The following ARHGEF40 variants were observed in gnomAD, a reference collection of about 807,000 sequenced individuals.
ARHGEF40 encodes the protein Rho guanine nucleotide exchange factor 40, also known as Rho guanine nucleotide exchange factor (GEF) 40.
Under a neutral mutation model 165.9 loss-of-function variants are expected in ARHGEF40, and 98 were observed. The observed-to-expected ratio is 0.59, with a 90% CI of 0.50 to 0.70. The LOEUF (loss-of-function observed/expected upper bound fraction) is 0.70. Ranked by LOEUF, ARHGEF40 falls within the 30% of genes least tolerant of loss-of-function variation. ARHGEF40 has a pLI of 0.00. For missense variants in ARHGEF40, 1,815 were observed against 1,968.0 expected, an observed-to-expected ratio of 0.92 and a Z score of 1.47; for synonymous variants, 792 against 814.3, an observed-to-expected ratio of 0.97 and a Z score of 0.47.
In ARHGEF40 at chr14:21,075,207, G is replaced by T; in HGVS notation, c.1450+27G>T. ...TGAGATGACACGGAGTGAGGCTCAT[G>T]GGGCAAGGGCCAAAGCAGGTCGGGC... On this transcript the variant is annotated intron_variant, in intron 3 of 23. Coordinates refer to ENST00000298694, the MANE Select transcript of ARHGEF40 (RefSeq NM_018071.5). This position sits in a 1 kb window ranked among gnomAD's most constrained non-coding sequence, Gnocchi z 4.5. The T allele has an allele frequency of 6.3e-7, 1 of 1,582,870 alleles. No homozygotes were observed. Among genetic ancestry groups the T allele is most frequent in the South Asian group, 1.2e-5 (1 of 85,522 alleles).
At position 21,080,935 on chromosome 14, in the gene ARHGEF40, G is replaced by A. The variant is rs771305553; in HGVS notation, c.2559G>A (p.Val853=). Residue 853 remains valine, a synonymous_variant, in exon 13 of 24, where the codon GTG becomes GTA. Transcript: ENST00000298694. ...AGGAGAATGCCACCTCCCAGAAGGT[G>A]CTGGATATCTTTGAACAGCGGCTGG... ...ALEENATSQK[V]LDIFEQRLEQ... 3.1e-6 allele frequency: 5 copies of A among 1,614,230 alleles called. No homozygotes were observed. The highest frequency in any genetic ancestry group is 1.1e-5 in the South Asian group (1 of 91,086).
Position 21,089,703 on chromosome 14 carries a change from G to C in ARHGEF40, c.*695G>C, listed in dbSNP as rs377107352. On this transcript the variant is annotated 3_prime_UTR_variant, in exon 24 of 24. Transcript: ENST00000298694. ...GGCCCAGAGCTAGCTGACTGTGTAT[G>C]AGCCTGGGAGAATGTGTCTCCTCCA... The C allele has an allele frequency of 1.3e-5, 2 of 152,308 alleles. No individual in the cohort carries two copies. The highest frequency in any genetic ancestry group is 4.1e-4 in the South Asian group (2 of 4,844). The allele number at this position is 152,308 out of a possible 1,614,324, so 9.4% of individuals were successfully genotyped here. A position where few individuals can be genotyped will look rare whatever the true frequency, so the allele number is the denominator to read the frequency against.
chr14:21,082,764 G>T, intron 15 of ARHGEF40, 67 bp from the exon 16 acceptor site: 1 of 1,503,926 alleles, frequency 6.6e-7, no homozygotes. Flanking sequence ...GGATAGAGAG[G>T]GGGAAGAGAG....
At chr14:21,063,117 G>A in the ARHGEF40 span, among the ~76,000 whole-genome samples, 4 of 152,110 alleles carry the variant, frequency 2.6e-5, no homozygotes, top group South Asian at 2.1e-4. Flanking sequence ...GCAACGGAGC[G>A]AGACCCTGTC....
intron 21 of ARHGEF40, 147 bp downstream of exon 21, chr14:21,087,610 T>G (rs1888462474): frequency 8.6e-7 from 1 of 1,160,776 alleles, no homozygotes; most frequent in Admixed American, 2.7e-5. Context: ...TAAAAGAGCC[T>G]TCCATCTGGT....
chr14:21,083,353 A>G (rs1170305571), intron 16 of ARHGEF40, among the ~76,000 whole-genome samples: 5 of 151,746 alleles, frequency 3.3e-5, no homozygotes, highest in African/African-American at 9.7e-5. Flanking sequence ...TATCTGGCCA[A>G]TATAGTGAAA....
intron 21 of ARHGEF40, chr14:21,087,672 CCT>C (rs1413585198): frequency 2.7e-6 from 2 of 732,176 alleles, no homozygotes; most frequent in Non-Finnish European, 2.2e-6. Context: ...TTCCTCTGTA[CCT>C]CTCTCTCTAG....
In ARHGEF40 at chr14:21,081,743, G is replaced by A. The variant is rs1187429783; in HGVS notation, c.2875G>A (p.Glu959Lys). Reference sequence around the variant, plus strand: ...GAGGATCCAGCAACACGTGGGAGAGGAGGCGAGCCCACGGGGCTACCGACG... The same window carrying A: ...GAGGATCCAGCAACACGTGGGAGAGAAGGCGAGCCCACGGGGCTACCGACG... The part of the protein sequence containing the change: ...ERRIQQHVGE[E>K]ASPRGYRRRR... Residue 959 changes from glutamate to lysine, a missense_variant, in exon 14 of 24, where the codon GAG (glutamate) becomes AAG (lysine). Transcript: ENST00000298694. The A allele has an allele frequency of 1.3e-6, 2 of 1,579,148 alleles. No individual in the cohort carries two copies. Among genetic ancestry groups the A allele is most frequent in the Admixed American group, 1.8e-5 (1 of 54,340 alleles).
chr14:21,071,782 C>T (rs1302508041), intron 1 of ARHGEF40, among the ~76,000 whole-genome samples: 7 of 152,202 alleles, frequency 4.6e-5, no homozygotes, highest in African/African-American at 1.4e-4. Context: ...ACCTTCCCCC[C>T]ACCCACGCGC....
At chr14:21,061,685 G>A in the ARHGEF40 span, among the ~76,000 whole-genome samples, 5 of 152,212 alleles carry the variant, frequency 3.3e-5, no homozygotes, top group African/African-American at 1.2e-4. Context: ...CTAACATCCA[G>A]AAAATTTAGA....
chr14:21,068,144 C>T (rs1413628546), upstream of ARHGEF40, among the ~76,000 whole-genome samples: 26 of 49,166 alleles, frequency 5.3e-4, 7 homozygotes, highest in African/African-American at 1.2e-3. Context: ...GGACTACAGG[C>T]GCCCGCTACC....
chr14:21,074,457 G>A lies in ARHGEF40; in HGVS notation c.727G>A (p.Val243Met), dbSNP rs1399228904. 2 of 1,594,302 alleles carry A rather than the reference G, an allele frequency of 1.3e-6. No individual in the cohort carries two copies. Among genetic ancestry groups the A allele is most frequent in the Non-Finnish European group, 8.5e-7 (1 of 1,170,938 alleles). ...APVEGPEGEY[V>M]ELLEVTLPVR... is the part of the protein sequence containing the mutation. ...TGTGGAAGGACCTGAGGGCGAGTAT[G>A]TGGAGCTGTTAGAGGTGACGCTGCC... The change falls in exon 3 of 24, where the codon GTG becomes ATG. Residue 243 changes from valine to methionine, a missense_variant. Physicochemically the swap from Val to Met is conservative, Grantham distance 21. Coordinates refer to ENST00000298694, the MANE Select transcript of ARHGEF40 (RefSeq NM_018071.5). This position sits in a 1 kb window ranked among gnomAD's most constrained non-coding sequence, Gnocchi z 4.8.
intron 13 of ARHGEF40, 63 bp from the exon 14 acceptor site, chr14:21,081,446 C>G (rs1887884169): frequency 1.9e-6 from 3 of 1,572,226 alleles, no homozygotes; most frequent in East Asian, 4.5e-5. Flanking sequence ...CACTGGGCAT[C>G]CTTCGTGAGC....
chr14:21,080,490 A>T (rs1192891229), intron 11 of ARHGEF40, among the ~76,000 whole-genome samples, 170 bp from the exon 12 acceptor site: 2 of 152,070 alleles, frequency 1.3e-5, no homozygotes, highest in Non-Finnish European at 2.9e-5. Flanking sequence ...TTCTCATCTG[A>T]CCCTTGTGGA....
At position 21,081,809 on chromosome 14, in the gene ARHGEF40, G is replaced by A; in HGVS notation, c.2941G>A (p.Gly981Arg). Residue 981 changes from glycine (G) to arginine (R), a missense_variant, in exon 14 of 24, where the codon GGG becomes AGG. Gly to Arg is a moderately radical substitution (Grantham distance 125, BLOSUM62 -2). Transcript: ENST00000298694. ...DGASSGGAQW[G>R]PRSPSPSLSS... ...TGCCAGCAGTGGAGGGGCCCAGTGGGGGCCCCGCAGCCCCTCGCCCAGCCT... is the reference window on the plus strand; with the variant it reads ...TGCCAGCAGTGGAGGGGCCCAGTGGAGGCCCCGCAGCCCCTCGCCCAGCCT... The A allele has an allele frequency of 6.2e-7, 1 of 1,602,880 alleles. No individual in the cohort carries two copies. The highest frequency in any genetic ancestry group is 8.5e-7 in the Non-Finnish European group (1 of 1,175,890).
At position 21,074,400 on chromosome 14, in the gene ARHGEF40, A is replaced by T; in HGVS notation, c.670A>T (p.Thr224Ser). The change falls in exon 3 of 24, where the codon ACC becomes TCC. Residue 224 changes from threonine (T) to serine (S), a missense_variant. By Grantham distance (58) the Thr-to-Ser change is moderately conservative. Transcript: ENST00000298694. This position sits in a 1 kb window ranked among gnomAD's most constrained non-coding sequence, Gnocchi z 4.8. Reference protein sequence around the residue: ...SPPLPEEALGTRSPGDGHNAP... With the variant: ...SPPLPEEALGSRSPGDGHNAP... The stretch of plus-strand genomic sequence containing the variant: ...TCCACTTCCTGAGGAGGCGCTGGGT[A>T]CCCGGAGTCCTGGGGATGGGCACAA... 6.2e-7 allele frequency: 1 copy of T among 1,612,552 alleles called. No homozygotes were observed. Among genetic ancestry groups the T allele is most frequent in the Non-Finnish European group, 8.5e-7 (1 of 1,179,504 alleles).
Position 21,081,381 on chromosome 14 carries a change from GAA to G in ARHGEF40, c.2641-125_2641-124del. ...TTAGGCAGTGATGGTGGAACAGTGA[GAA>G]AACAGGAGAGTGACGGGCATTGGGA... is the stretch of plus-strand genomic sequence containing the variant. On this transcript the variant is annotated intron_variant, in intron 13 of 23. Coordinates refer to ENST00000298694, the MANE Select transcript of ARHGEF40 (RefSeq NM_018071.5). 6.0e-6 allele frequency: 8 copies of G among 1,337,844 alleles called. No individual in the cohort carries two copies. In the South Asian group the frequency reaches 1.1e-4, roughly 19 times the overall value. The allele number at this position is 1,337,844 out of a possible 1,614,324, so 82.9% of individuals were successfully genotyped here.
Position 21,087,410 on chromosome 14 carries a change from C to T in ARHGEF40, c.4334C>T (p.Pro1445Leu). ...CTTTCGCCGGGAGCCTGCTCCCTGCCTGCCCGCGTCGAGGAGGAGGCCTGG... is the reference window on the plus strand; with the variant it reads ...CTTTCGCCGGGAGCCTGCTCCCTGCTTGCCCGCGTCGAGGAGGAGGCCTGG... ...PGLSPGACSL[P>L]ARVEEEAWDL... The change falls in exon 21 of 24, where the codon CCT (proline) becomes CTT (leucine). Residue 1445 changes from proline (P) to leucine (L), a missense_variant. Transcript: ENST00000298694. The T allele has an allele frequency of 6.2e-7, 1 of 1,601,994 alleles. No individual in the cohort carries two copies. The highest frequency in any genetic ancestry group is 8.5e-7 in the Non-Finnish European group (1 of 1,179,936).
intron 17 of ARHGEF40, 59 bp from the exon 18 acceptor site, chr14:21,084,694 C>T (rs1435071742): frequency 1.8e-5 from 28 of 1,554,292 alleles, no homozygotes; most frequent in Non-Finnish European, 2.1e-5. Context: ...ATTTTTGCTC[C>T]CTGTAAAATA....
Sources: allele counts gnomAD v4.1 joint callset (sites outside exome capture counted in the v4.1 genomes callset), GRCh38; gene constraint gnomAD v4.1.1; non-coding constraint Gnocchi (gnomAD v3.1); transcripts MANE v1.5; gene names NCBI Gene and HGNC (gene_info 2026-07-23, HGNC 2026-07-21).